The following ZEB1 variants were observed in gnomAD, a reference collection of about 807,000 sequenced individuals.
ZEB1 encodes the protein zinc finger E-box-binding homeobox 1.
A neutral mutation model predicts 84.9 loss-of-function variants in ZEB1; 21 were observed. The ratio of observed to expected loss-of-function variants is 0.25; its 90% CI spans 0.18 to 0.36. The LOEUF (loss-of-function observed/expected upper bound fraction) is 0.36, where lower values mean the gene tolerates loss of function less well. Among genes scored for constraint, ZEB1 ranks in the 10% least tolerant of loss-of-function variants. The pLI, the probability that ZEB1 is intolerant of heterozygous loss-of-function variation, is 1.00. For missense variants in ZEB1, 1,104 were observed against 1,330.2 expected (o/e 0.83, Z 2.65); for synonymous variants, 420 against 471.1 (o/e 0.89, Z 1.41).
chr10:31,502,577 T>C, intron 4 of ZEB1, 68 bp downstream of exon 4: 2 of 1,598,626 alleles, frequency 1.3e-6, no homozygotes. Flanking sequence ...CATTCTACTA[T>C]GGGAACCTGC....
At position 31,502,330 on chromosome 10, in the gene ZEB1, A is replaced by C; in HGVS notation, c.323-18A>C. The C allele has an allele frequency of 6.2e-7, 1 of 1,613,268 alleles. No homozygotes were observed. Among genetic ancestry groups the C allele is most frequent in the Non-Finnish European group, 8.5e-7 (1 of 1,179,442 alleles). ...TTAGTGGTGAGATTGCTGTCTTAAA[A>C]GTATGCATTTTTTTTAGTAAAAGAT... On this transcript the variant is annotated intron_variant, in intron 3 of 8. Transcript: ENST00000424869.
chr10:31,490,363 T>C (rs2066362638), intron 2 of ZEB1, among the ~76,000 whole-genome samples: 1 of 151,684 alleles, frequency 6.6e-6, no homozygotes, highest in South Asian at 2.1e-4. Context: ...CTGAGACTCT[T>C]TATTTTTTAA....
At chr10:31,470,494 G>A (rs1291893968) in intron 2 of ZEB1, among the ~76,000 whole-genome samples, 4 of 150,792 alleles carry the variant, frequency 2.7e-5, no homozygotes, top group South Asian at 2.1e-4. Flanking sequence ...GAAATGAAGC[G>A]AGAAGGAAAG....
intron 1 of ZEB1, among the ~76,000 whole-genome samples, chr10:31,334,972 G>T (rs1309979892): frequency 6.6e-6 from 1 of 152,026 alleles, no homozygotes; most frequent in Non-Finnish European, 1.5e-5. Context: ...TGTACAGAGA[G>T]TATTTCATGG....
At chr10:31,378,178 G>T (rs1033437369) in intron 1 of ZEB1, among the ~76,000 whole-genome samples, 1 of 151,406 alleles carries the variant, frequency 6.6e-6, no homozygotes, top group Non-Finnish European at 1.5e-5. Context: ...CTCCTAAAAA[G>T]GCGGGAGAGT....
At chr10:31,321,001 A>G (rs559676334) in intron 1 of ZEB1, 1 of 370,138 alleles carries the variant, frequency 2.7e-6, no homozygotes, top group Non-Finnish European at 3.7e-6. Flanking sequence ...GTTATTTTTA[A>G]AACGACTTTT....
At chr10:31,510,020 A>G (rs2069690260) in intron 4 of ZEB1, among the ~76,000 whole-genome samples, 1 of 152,176 alleles carries the variant, frequency 6.6e-6, no homozygotes, top group South Asian at 2.1e-4. Flanking sequence ...AATTACAAGC[A>G]GGGTCATGCA....
At chr10:31,497,503 G>A (rs561017597) in intron 3 of ZEB1, among the ~76,000 whole-genome samples, 2 of 152,236 alleles carry the variant, frequency 1.3e-5, no homozygotes, top group South Asian at 2.1e-4. Context: ...TGGAACATGG[G>A]GAGTTAGGAG....
intron 1 of ZEB1, among the ~76,000 whole-genome samples, chr10:31,408,099 A>G (rs1449635535): frequency 1.3e-5 from 2 of 152,076 alleles, no homozygotes; most frequent in Non-Finnish European, 1.5e-5. Context: ...ATATGCCAAC[A>G]ACAGACAAAC....
chr10:31,348,336 G>C (rs895030834), intron 1 of ZEB1, among the ~76,000 whole-genome samples: 3 of 152,080 alleles, frequency 2.0e-5, no homozygotes, highest in Non-Finnish European at 2.9e-5. Flanking sequence ...GGCTGAGGTG[G>C]GTGGATCACT....
At chr10:31,455,549 C>T (rs2061107164) in intron 1 of ZEB1, among the ~76,000 whole-genome samples, 1 of 151,636 alleles carries the variant, frequency 6.6e-6, no homozygotes, top group East Asian at 1.9e-4. Context: ...CTACAAAGAA[C>T]TTCAACAAAT....
chr10:31,391,552 C>G (rs954134113), intron 1 of ZEB1, among the ~76,000 whole-genome samples: 3 of 152,042 alleles, frequency 2.0e-5, no homozygotes, highest in Non-Finnish European at 4.4e-5. Context: ...TCTAATGTCT[C>G]AGGTATGAAT....
intron 1 of ZEB1, among the ~76,000 whole-genome samples, chr10:31,350,057 T>C (rs2133838618): frequency 6.6e-6 from 1 of 152,306 alleles, no homozygotes; most frequent in East Asian, 1.9e-4. Flanking sequence ...TCGGGTTTCA[T>C]GTTTAAGTAT....
chr10:31,326,674 A>T (rs115670998), intron 1 of ZEB1, among the ~76,000 whole-genome samples: 5 of 152,166 alleles, frequency 3.3e-5, no homozygotes, highest in South Asian at 4.1e-4. Flanking sequence ...AGGTCATTTG[A>T]GCATATTTAT....
At chr10:31,431,113 G>T (rs1313192587) in intron 1 of ZEB1, among the ~76,000 whole-genome samples, 1 of 152,144 alleles carries the variant, frequency 6.6e-6, no homozygotes. Flanking sequence ...AACTATTGGG[G>T]TATGTGGAGG....
intron 1 of ZEB1, among the ~76,000 whole-genome samples, chr10:31,440,333 A>G (rs1199152589): frequency 6.6e-6 from 1 of 152,168 alleles, no homozygotes; most frequent in African/African-American, 2.4e-5. Context: ...AGATGCAGAA[A>G]AGGCCTTTGA....
intron 1 of ZEB1, among the ~76,000 whole-genome samples, chr10:31,407,537 A>T (rs1460994773): frequency 6.6e-6 from 1 of 151,954 alleles, no homozygotes; most frequent in Non-Finnish European, 1.5e-5. Flanking sequence ...GCTATTGTGA[A>T]TAATGCCGCA....
In ZEB1 at chr10:31,321,391, G is replaced by C. The variant is rs964631524; in HGVS notation, c.58+2099G>C. On this transcript the variant is annotated intron_variant, in intron 1 of 8. Coordinates refer to ENST00000424869, the MANE Select transcript of ZEB1 (RefSeq NM_001174096.2). The stretch of plus-strand genomic sequence containing the variant: ...TTGATTATAAACGAAAGGTATTTTG[G>C]TATTCTCATTGTGGAGAGATGACTT... 5 of 1,583,262 alleles carry C rather than the reference G, an allele frequency of 3.2e-6. No homozygotes were observed. The African/African-American group carries it at 6.8e-5, about 21-fold the overall frequency.
At chr10:31,478,382 GT>G (rs1310315713) in intron 2 of ZEB1, among the ~76,000 whole-genome samples, 3 of 151,928 alleles carry the variant, frequency 2.0e-5, no homozygotes, top group Non-Finnish European at 4.4e-5. Context: ...AGAGAGAAGG[GT>G]ATTCTTATAC....
Sources: gnomAD v4.1 joint callset for allele counts (sites outside exome capture counted in the v4.1 genomes callset) on GRCh38, gnomAD v4.1.1 for gene constraint, MANE v1.5 for transcripts, NCBI Gene and HGNC (gene_info 2026-07-23, HGNC 2026-07-21) for gene names.